CDC42BPB: variants seen among roughly 807,000 people sequenced by gnomAD.
CDC42BPB encodes the protein CDC42 binding protein kinase beta.
CDC42BPB carries 37 observed loss-of-function variants against 214.9 expected under a neutral mutation model. That is an observed-to-expected ratio of 0.17 (90% CI 0.13 to 0.23). The LOEUF is 0.23. Ranked by LOEUF, CDC42BPB falls within the 10% of genes least tolerant of loss-of-function variation. The pLI is 1.00. For missense variants in CDC42BPB, 1,694 were observed against 2,227.0 expected, an observed-to-expected ratio of 0.76 and a Z score of 4.82; for synonymous variants, 931 against 884.0, an observed-to-expected ratio of 1.05 and a Z score of -0.94.
chr14:102,960,306 T>G (rs1374385208), intron 20 of CDC42BPB, among the ~76,000 whole-genome samples: 3 of 151,734 alleles, frequency 2.0e-5, no homozygotes, highest in Non-Finnish European at 2.9e-5. Flanking sequence ...TTAAAGCAGA[T>G]TCACTAAGGC....
intron 1 of CDC42BPB, among the ~76,000 whole-genome samples, chr14:103,045,085 G>T (rs1462441322): frequency 6.6e-6 from 1 of 151,364 alleles, no homozygotes; most frequent in Non-Finnish European, 1.5e-5. Context: ...AATAAATTCG[G>T]CTCACCAGTT....
Position 102,954,187 on chromosome 14 carries a change from A to C in CDC42BPB, c.3066+11T>G. On this transcript the variant is annotated intron_variant, in intron 23 of 36. Coordinates refer to ENST00000361246, the MANE Select transcript of CDC42BPB (RefSeq NM_006035.4). ...CTAAGAAGGCGCCCCGGGTGAAAGC[A>C]AGGCCCCTACCTTCGGTCCAGCCAG... The C allele has an allele frequency of 6.5e-7, 1 of 1,538,172 alleles. No homozygotes were observed. Among genetic ancestry groups the C allele is most frequent in the South Asian group, 1.2e-5 (1 of 83,728 alleles).
chr14:102,950,072 T>C, intron 25 of CDC42BPB, 168 bp from the exon 26 acceptor site: 1 of 985,444 alleles, frequency 1.0e-6, no homozygotes, highest in Non-Finnish European at 1.2e-6. Context: ...GAGGGGTCCA[T>C]GCGTGGCAGC....
chr14:102,974,281 TACACACAC>T (rs71119749), intron 11 of CDC42BPB, 132 bp from the exon 12 acceptor site: 494 of 1,316,038 alleles, frequency 3.8e-4, no homozygotes, highest in African/African-American at 5.2e-4. Context: ...TTTTTTTACT[TACACACAC>T]ACACACACAC....
chr14:102,994,591 C>T (rs1425479186), intron 5 of CDC42BPB, among the ~76,000 whole-genome samples: 1 of 152,180 alleles, frequency 6.6e-6, no homozygotes, highest in African/African-American at 2.4e-5. Context: ...GGAGCAGCGG[C>T]GTCTTCAGGG....
intron 1 of CDC42BPB, among the ~76,000 whole-genome samples, chr14:103,048,745 G>A (rs1444974112): frequency 4.6e-5 from 7 of 150,610 alleles, no homozygotes; most frequent in Non-Finnish European, 8.9e-5. Context: ...GTGATGGTGG[G>A]TGCCTGTAAT....
At chr14:103,011,237 C>G (rs1199190189) in intron 2 of CDC42BPB, among the ~76,000 whole-genome samples, 1 of 152,234 alleles carries the variant, frequency 6.6e-6, no homozygotes, top group African/African-American at 2.4e-5. Context: ...CAGCCCCATA[C>G]AAGGGACCTG....
intron 18 of CDC42BPB, among the ~76,000 whole-genome samples, chr14:102,965,388 TAAAAAAAAA>T (rs765936398): frequency 0.09 from 10,329 of 115,254 alleles, 490 homozygotes; most frequent in African/African-American, 0.16. Flanking sequence ...TACCTGTGAT[TAAAAAAAAA>T]AAAAAAAAAA....
chr14:102,993,503 G>T (rs1343613612), intron 5 of CDC42BPB, among the ~76,000 whole-genome samples: 1 of 150,486 alleles, frequency 6.6e-6, no homozygotes, highest in Non-Finnish European at 1.5e-5. Flanking sequence ...AAGGCAGAAA[G>T]AGAGAGGGAG....
chr14:102,996,235 G>A (rs568693248), intron 5 of CDC42BPB, among the ~76,000 whole-genome samples: 3 of 152,262 alleles, frequency 2.0e-5, no homozygotes, highest in South Asian at 4.1e-4. Flanking sequence ...AGCTACTCGG[G>A]AGGCTGAGGC....
rs1393973952 is a variant in CDC42BPB, at chr14:102,953,481, C to T, written c.3066+717G>A. Among the ~76,000 whole-genome samples the T allele has an allele frequency of 3.9e-5, 6 of 152,376 alleles. No homozygotes were observed. The East Asian group carries it at 7.7e-4, about 20-fold the overall frequency. On this transcript the variant is annotated intron_variant, in intron 23 of 36. Coordinates refer to ENST00000361246, the MANE Select transcript of CDC42BPB (RefSeq NM_006035.4). ...CTTAGGTAGCCTCATAGAAGTTTGG[C>T]TTCTTACGTCCAGCCGGCATAGCTG...
chr14:103,031,239 C>T (rs1039567009), intron 1 of CDC42BPB, among the ~76,000 whole-genome samples: 6 of 152,054 alleles, frequency 3.9e-5, no homozygotes, highest in African/African-American at 9.7e-5. Context: ...ACCATCCCCA[C>T]GTAAACGCAG....
chr14:103,015,358 G>A (rs565825890), intron 1 of CDC42BPB, among the ~76,000 whole-genome samples: 2 of 152,232 alleles, frequency 1.3e-5, no homozygotes, highest in South Asian at 2.1e-4. Context: ...ATGGTGACAC[G>A]CGGCTGTAAT....
intron 1 of CDC42BPB, among the ~76,000 whole-genome samples, chr14:103,047,749 A>G (rs1351312542): frequency 6.6e-6 from 1 of 151,716 alleles, no homozygotes; most frequent in Non-Finnish European, 1.5e-5. Context: ...ACTAAAATAC[A>G]AAAAATTAGC....
chr14:103,054,616 A>C (rs1595203788), intron 1 of CDC42BPB, among the ~76,000 whole-genome samples: 1 of 152,384 alleles, frequency 6.6e-6, no homozygotes, highest in Non-Finnish European at 1.5e-5. Context: ...TTAGAGTTAC[A>C]ATGACGTATA....
At position 102,964,605 on chromosome 14, in the gene CDC42BPB, C is replaced by T; in HGVS notation, c.2623G>A (p.Ala875Thr). Residue 875 changes from alanine (A) to threonine (T), a missense_variant, in exon 19 of 37, where the codon GCG (alanine) becomes ACG (threonine). Physicochemically the swap from Ala to Thr is moderately conservative, Grantham distance 58. Around this residue, in one of 7 missense-constraint regions of CDC42BPB, gnomAD observed 55 missense variants for 95.5 expected, o/e 0.58. Coordinates refer to ENST00000361246, the MANE Select transcript of CDC42BPB (RefSeq NM_006035.4). The stretch of plus-strand genomic sequence containing the variant: ...AGGGCCGACTGCAGCTCCAGCCGCG[C>T]GGACATGTCCAGCTTCTGGCTGCGG... ...VRRSQKLDMS[A>T]RLELQSALEA... is the part of the protein sequence containing the mutation. 1.9e-6 allele frequency: 3 copies of T among 1,613,930 alleles called. No individual in the cohort carries two copies. The highest frequency in any genetic ancestry group is 2.2e-5 in the East Asian group (1 of 44,888).
At position 102,972,112 on chromosome 14, in the gene CDC42BPB, T is replaced by C. The variant is rs931987662; in HGVS notation, c.1691A>G (p.Lys564Arg). Reference sequence around the variant, plus strand: ...CAGCTTTCGCTGCTGATGGGCATCTTTGAGTTCCTTGGCCTGGGATTTCAA... The same window carrying C: ...CAGCTTTCGCTGCTGATGGGCATCTCTGAGTTCCTTGGCCTGGGATTTCAA... ...ERLKSQAKEL[K>R]DAHQQRKLAL... The change falls in exon 13 of 37, where the codon AAA (lysine) becomes AGA (arginine). Residue 564 changes from lysine (K) to arginine (R), a missense_variant. Coordinates refer to ENST00000361246, the MANE Select transcript of CDC42BPB (RefSeq NM_006035.4). 3 of 1,614,152 alleles carry C rather than the reference T, an allele frequency of 1.9e-6. No homozygotes were observed. Among genetic ancestry groups the C allele is most frequent in the African/African-American group, 2.7e-5 (2 of 74,942 alleles).
At chr14:102,955,164 T>C (rs1032483508) in intron 21 of CDC42BPB, among the ~76,000 whole-genome samples, 1 of 152,208 alleles carries the variant, frequency 6.6e-6, no homozygotes, top group Non-Finnish European at 1.5e-5. Context: ...GGCTCACGCC[T>C]GTAATCCCAG....
intron 4 of CDC42BPB, among the ~76,000 whole-genome samples, chr14:103,002,829 T>C (rs1041352213): frequency 1.2e-4 from 19 of 152,158 alleles, no homozygotes; most frequent in Non-Finnish European, 2.4e-4. Context: ...ACATCCTAAG[T>C]GCTCAACAAA....
Sources: allele counts gnomAD v4.1 joint callset (sites outside exome capture counted in the v4.1 genomes callset), GRCh38; gene constraint gnomAD v4.1.1; regional missense constraint gnomAD v4.1.1; transcripts MANE v1.5; gene names NCBI Gene and HGNC (gene_info 2026-07-23, HGNC 2026-07-21).